GRK6: variants seen among roughly 807,000 people sequenced by gnomAD.
The protein encoded by GRK6 is G protein-coupled receptor kinase 6.
In GRK6, 37 loss-of-function variants were observed where a neutral mutation model predicts 80.8. The observed-to-expected ratio is 0.46, with a 90% CI of 0.35 to 0.60. The LOEUF is 0.60. Ranked by LOEUF, GRK6 falls within the 20% of genes least tolerant of loss-of-function variation. GRK6 has a pLI of 0.00. For synonymous variants in GRK6, 295 were observed against 320.9 expected (o/e 0.92, Z 0.86); for missense variants, 560 against 784.6 (o/e 0.71, Z 3.42).
chr5:177,433,213 T>C lies in GRK6; in HGVS notation c.507T>C (p.Arg169=). The change falls in exon 6 of 16, where the codon CGT becomes CGC. Residue 169 remains arginine, a synonymous_variant. Coordinates refer to ENST00000355472, the MANE Select transcript of GRK6 (RefSeq NM_001004106.3). ...ADYLDSIYFN[R]FLQWKWLERQ... ...ACCTCGACAGCATCTACTTCAACCG[T>C]TTCCTGCAGTGGAAGTGGCTGGAAA... The C allele has an allele frequency of 6.2e-7, 1 of 1,614,130 alleles. No homozygotes were observed.
chr5:177,426,763 G>C lies in GRK6; in HGVS notation c.-83G>C. 1.4e-6 allele frequency: 1 copy of C among 724,558 alleles called. No individual in the cohort carries two copies. 44.9% of individuals were successfully genotyped at this position (724,558 alleles called of 1,614,324 possible). ...GAGCCGAGCCGAGCCGCGCCGAGCC[G>C]CGCCGATCGCCATCCGGCCTCGGCA... On this transcript the variant is annotated 5_prime_UTR_variant, in exon 1 of 16. Coordinates refer to ENST00000355472, the MANE Select transcript of GRK6 (RefSeq NM_001004106.3).
Position 177,429,068 on chromosome 5 carries a change from T to TCTCTGGGCTTGGTCATCTTGGGTATA in GRK6, c.53-1780_53-1755dup, listed in dbSNP as rs1286103542. ...GTACGAATCCTGTACCCAGGATTGG[T>TCTCTGGGCTTGGTCATCTTGGGTATA]CTCTGGGCTTGGTCATCTTGGGTAT... On this transcript the variant is annotated intron_variant, in intron 1 of 15. Coordinates refer to ENST00000355472, the MANE Select transcript of GRK6 (RefSeq NM_001004106.3). The surrounding 1 kb of genome is among the most constrained non-coding windows in gnomAD (Gnocchi z 4.3). Among the ~76,000 whole-genome samples the TCTCTGGGCTTGGTCATCTTGGGTATA allele has an allele frequency of 6.6e-6, 1 of 152,200 alleles. No homozygotes were observed. Among genetic ancestry groups the TCTCTGGGCTTGGTCATCTTGGGTATA allele is most frequent in the Non-Finnish European group, 1.5e-5 (1 of 68,008 alleles).
At chr5:177,432,671 G>A in intron 4 of GRK6, 35 bp from the exon 5 acceptor site, 10 of 1,424,004 alleles carry the variant, frequency 7.0e-6, no homozygotes, top group South Asian at 1.2e-5. Flanking sequence ...ATCCAAGGGA[G>A]CCCCTGCACT....
At position 177,433,159 on chromosome 5, in the gene GRK6, G is replaced by A. The variant is rs779438253; in HGVS notation, c.453G>A (p.Glu151=). 1.2e-6 allele frequency: 2 copies of A among 1,613,922 alleles called. No individual in the cohort carries two copies. Among genetic ancestry groups the A allele is most frequent in the South Asian group, 1.1e-5 (1 of 91,078 alleles). ...CTTTCCTCAACAGGCTGACCCACGAGTACCTGAGCGTGGCCCCTTTTGCCG... is the reference window on the plus strand; with the variant it reads ...CTTTCCTCAACAGGCTGACCCACGAATACCTGAGCGTGGCCCCTTTTGCCG... ...LFQELTRLTH[E]YLSVAPFADY... Residue 151 remains glutamate, a synonymous_variant, in exon 6 of 16, where the codon GAG becomes GAA. Transcript: ENST00000355472.
intron 3 of GRK6, 30 bp from the exon 4 acceptor site, chr5:177,432,203 C>A: frequency 6.2e-7 from 1 of 1,613,488 alleles, no homozygotes; most frequent in Non-Finnish European, 8.5e-7. Flanking sequence ...CCTGCCCAGA[C>A]CTCCAGCTTC....
intron 15 of GRK6, chr5:177,441,273 T>C: frequency 6.4e-7 from 1 of 1,562,470 alleles, no homozygotes; most frequent in East Asian, 2.4e-5. Context: ...CCCCGTGGGT[T>C]GGCCTTGCTG....
rs1443922950 is a variant in GRK6 at position 177,432,164 on chromosome 5, T to C, written c.261+57T>C. ...GGGTGGCCGAGGTCCTGGCCCCATG[T>C]GCCCCTCCTCCCCACACCTGCTGCT... is the stretch of plus-strand genomic sequence containing the variant. On this transcript the variant is annotated intron_variant, in intron 3 of 15. Transcript: ENST00000355472. 3.1e-6 allele frequency: 5 copies of C among 1,608,770 alleles called. No homozygotes were observed. The East Asian group carries it at 8.9e-5, about 29-fold the overall frequency.
At chr5:177,431,952 GCTCTCGGGCTGT>G (rs758682115) in intron 2 of GRK6, 31 bp from the exon 3 acceptor site, 1 of 1,563,352 alleles carries the variant, frequency 6.4e-7, no homozygotes, top group Non-Finnish European at 8.8e-7. Flanking sequence ...CCACCCATGT[GCTCTCGGGCTGT>G]GGACCCAGCA....
At chr5:177,434,321 G>C (rs1202872638) in intron 9 of GRK6, among the ~76,000 whole-genome samples, 1 of 152,114 alleles carries the variant, frequency 6.6e-6, no homozygotes, top group East Asian at 1.9e-4. Flanking sequence ...TCCTGACTTT[G>C]TCACCCCTCC....
chr5:177,434,887 C>G lies in GRK6; in HGVS notation c.930-15C>G, dbSNP rs763887548. 1.9e-6 allele frequency: 3 copies of G among 1,610,360 alleles called. No individual in the cohort carries two copies. Among genetic ancestry groups the G allele is most frequent in the East Asian group, 2.2e-5 (1 of 44,666 alleles). Reference sequence around the variant, plus strand: ...AAACTGAGCAGCATCTGACCCTGCTCTTCTCTCTGCACAGGGACCTGAAGC... The same window carrying G: ...AAACTGAGCAGCATCTGACCCTGCTGTTCTCTCTGCACAGGGACCTGAAGC... On this transcript the variant is annotated splice_polypyrimidine_tract_variant and intron_variant, in intron 9 of 15. Transcript: ENST00000355472.
At position 177,432,094 on chromosome 5, in the gene GRK6, T is replaced by A; in HGVS notation, c.248T>A (p.Phe83Tyr). 6.2e-7 allele frequency: 1 copy of A among 1,611,266 alleles called. No homozygotes were observed. Among genetic ancestry groups the A allele is most frequent in the Non-Finnish European group, 8.5e-7 (1 of 1,178,648 alleles). ...TRPELSRCVAFLDGVAEYEVT... is the reference protein window; with the variant it reads ...TRPELSRCVAYLDGVAEYEVT... ...CCGGAGCTGAGCCGCTGCGTCGCCT[T>A]CCTGGATGGGGTGGTGAGTGCAGCC... is the stretch of plus-strand genomic sequence containing the variant. The change falls in exon 3 of 16, where the codon TTC (phenylalanine) becomes TAC (tyrosine). Residue 83 changes from phenylalanine (F) to tyrosine (Y), a missense_variant. Around this residue, in one of 3 missense-constraint regions of GRK6, gnomAD observed 189 missense variants for 230.2 expected, o/e 0.82. Coordinates refer to ENST00000355472, the MANE Select transcript of GRK6 (RefSeq NM_001004106.3).
rs997169774 is a variant in GRK6, at chr5:177,436,154, C to T, written c.1139C>T (p.Ala380Val). 3.7e-6 allele frequency: 6 copies of T among 1,614,204 alleles called. No homozygotes were observed. Among genetic ancestry groups the T allele is most frequent in the Non-Finnish European group, 5.1e-6 (6 of 1,180,036 alleles). Residue 380 changes from alanine (A) to valine (V), a missense_variant, in exon 12 of 16, where the codon GCA becomes GTA. Coordinates refer to ENST00000355472, the MANE Select transcript of GRK6 (RefSeq NM_001004106.3). ...GGCTGCCTCCTGTACGAGATGATCG[C>T]AGGCCAGTCGCCCTTCCAGCAGAGG... is the stretch of plus-strand genomic sequence containing the variant. ...ALGCLLYEMI[A>V]GQSPFQQRKK...
chr5:177,441,972 G>A lies in GRK6; in HGVS notation c.*182G>A. 1 of 614,980 alleles carries A rather than the reference G, an allele frequency of 1.6e-6. No individual in the cohort carries two copies. The highest frequency in any genetic ancestry group is 2.9e-6 in the Non-Finnish European group (1 of 342,440). 38.1% of individuals were successfully genotyped at this position (614,980 alleles called of 1,614,324 possible). ...GCCTGGCTGAGTTTGGCAGGGCCTG[G>A]GCCATCCCTGGGACAAAGGTGCGTC... On this transcript the variant is annotated 3_prime_UTR_variant, in exon 16 of 16. Coordinates refer to ENST00000355472, the MANE Select transcript of GRK6 (RefSeq NM_001004106.3).
intron 13 of GRK6, among the ~76,000 whole-genome samples, chr5:177,440,279 A>G (rs1438384819): frequency 6.6e-6 from 1 of 152,138 alleles, no homozygotes; most frequent in African/African-American, 2.4e-5. Context: ...ATTGGCTGGG[A>G]GAGAAGACGG....
In GRK6 at chr5:177,434,086, G is replaced by T. The variant is rs376251838; in HGVS notation, c.911G>T (p.Arg304Leu). Residue 304 changes from arginine to leucine, a missense_variant, in exon 9 of 16, where the codon CGG becomes CTG. Transcript: ENST00000355472. Reference protein sequence around the residue: ...EICCGLEDLHRERIVYRDLKP... With the variant: ...EICCGLEDLHLERIVYRDLKP... ...TGCTGTGGCCTGGAGGACCTGCACC[G>T]GGAGCGCATCGTGTACAGGTGGGGA... 1.9e-6 allele frequency: 3 copies of T among 1,592,692 alleles called. No homozygotes were observed. Among genetic ancestry groups the T allele is most frequent in the East Asian group, 2.2e-5 (1 of 44,648 alleles).
intron 6 of GRK6, 35 bp downstream of exon 6, chr5:177,433,274 G>A: frequency 6.2e-7 from 1 of 1,613,334 alleles, no homozygotes; most frequent in African/African-American, 1.3e-5. Context: ...GGACAGGCCA[G>A]GTCGCCGGGG....
At chr5:177,426,475 C>A (rs1452130328), upstream of GRK6, 1 of 152,190 alleles carries the variant, frequency 6.6e-6, no homozygotes, top group Non-Finnish European at 1.5e-5. Flanking sequence ...CGCCCTCAGA[C>A]CAACCAGGAA....
intron 15 of GRK6, 52 bp downstream of exon 15, chr5:177,441,105 G>T (rs762171268): frequency 6.3e-6 from 10 of 1,599,984 alleles, no homozygotes; most frequent in Non-Finnish European, 6.0e-6. Flanking sequence ...CCAGGGGACG[G>T]TGGGTGGGAG....
chr5:177,426,029 G>T (rs1763640511), upstream of GRK6, among the ~76,000 whole-genome samples: 1 of 152,230 alleles, frequency 6.6e-6, no homozygotes, highest in Non-Finnish European at 1.5e-5. Context: ...ATCCGGCTGC[G>T]GGGGCTGGGC....
Sources: allele counts gnomAD v4.1 joint callset (sites outside exome capture counted in the v4.1 genomes callset), GRCh38; gene constraint gnomAD v4.1.1; regional missense constraint gnomAD v4.1.1; non-coding constraint Gnocchi (gnomAD v3.1); transcripts MANE v1.5; gene names NCBI Gene and HGNC (gene_info 2026-07-23, HGNC 2026-07-21).